CDH17: variants seen among roughly 807,000 people sequenced by gnomAD.
CDH17 encodes cadherin-17.
CDH17 carries 67 observed loss-of-function variants against 86.3 expected under a neutral mutation model. The observed-to-expected ratio is 0.78, with a 90% CI of 0.64 to 0.95. The LOEUF is 0.95. Ranked by LOEUF, CDH17 falls within the 40% of genes least tolerant of loss-of-function variation. The pLI is 0.00. For synonymous variants in CDH17, 367 were observed against 366.4 expected (o/e 1.00, Z -0.02); for missense variants, 993 against 1,017.6 (o/e 0.98, Z 0.33).
chr8:94,177,472 G>A lies in CDH17; in HGVS notation c.285+115C>T. On this transcript the variant is annotated intron_variant, in intron 4 of 17. Transcript: ENST00000027335. ...GAGGATTGCAAAGCGTCCCATTAAT[G>A]TAAGGAAAGCTGTAACTGGATTCTG... The A allele has an allele frequency of 3.7e-6, 4 of 1,076,978 alleles. No individual in the cohort carries two copies. The South Asian group carries it at 4.6e-5, about 12-fold the overall frequency. The allele number at this position is 1,076,978 out of a possible 1,614,324, so 66.7% of individuals were successfully genotyped here.
At position 94,174,244 on chromosome 8, in the gene CDH17, A is replaced by C; in HGVS notation, c.441T>G (p.Tyr147Ter). The change falls in exon 6 of 18, where the codon TAT becomes TAG. Residue 147 changes from tyrosine to a stop codon, truncating the protein, a stop_gained. Transcript: ENST00000027335. LOFTEE classifies it high-confidence loss of function. Reference sequence around the variant, plus strand: ...GATCATCCAGGTCTGTGGCATTGACATACAAGAAGGGCTTTCCTGTTTAAC... The same window carrying C: ...GATCATCCAGGTCTGTGGCATTGACCTACAAGAAGGGCTTTCCTGTTTAAC... ...QNSRPGKPFL[Y>*]VNATDLDDPA... The C allele has an allele frequency of 1.2e-6, 2 of 1,611,736 alleles. No individual in the cohort carries two copies. The highest frequency in any genetic ancestry group is 2.2e-5 in the South Asian group (2 of 90,672).
chr8:94,135,904 C>T (rs940785129), intron 15 of CDH17, among the ~76,000 whole-genome samples: 1 of 152,186 alleles, frequency 6.6e-6, no homozygotes, highest in African/African-American at 2.4e-5. Flanking sequence ...ATTTCTCCTT[C>T]ACTTATGAAG....
intron 3 of CDH17, among the ~76,000 whole-genome samples, chr8:94,188,788 A>C (rs1813629676): frequency 1.3e-5 from 2 of 152,192 alleles, no homozygotes. Flanking sequence ...CAGAAAGCTC[A>C]TTCTAGCACT....
At chr8:94,182,868 A>G (rs888659042) in intron 3 of CDH17, among the ~76,000 whole-genome samples, 2 of 152,270 alleles carry the variant, frequency 1.3e-5, no homozygotes, top group African/African-American at 4.8e-5. Context: ...GAAAATTCTA[A>G]GGAACCTAAA....
At chr8:94,194,753 A>C (rs1484834982) in intron 1 of CDH17, 48 bp from the exon 2 acceptor site, 1 of 969,472 alleles carries the variant, frequency 1.0e-6, no homozygotes, top group African/African-American at 1.6e-5. Flanking sequence ...GTCTGTTAAA[A>C]TCATGTCTTT....
upstream of CDH17, among the ~76,000 whole-genome samples, chr8:94,211,000 G>A (rs1014217557): frequency 5.9e-5 from 8 of 136,256 alleles, no homozygotes; most frequent in Middle Eastern, 4.7e-3. Context: ...CAGCCTAGCC[G>A]ACAGAGCAAG....
intron 14 of CDH17, among the ~76,000 whole-genome samples, chr8:94,148,141 GTT>G (rs1439571487): frequency 6.6e-6 from 1 of 152,236 alleles, no homozygotes; most frequent in African/African-American, 2.4e-5. Context: ...AAGGGAGGTA[GTT>G]CAGCCAGGGA....
intron 1 of CDH17, among the ~76,000 whole-genome samples, chr8:94,207,027 T>A (rs1040959191): frequency 8.5e-5 from 13 of 152,086 alleles, no homozygotes; most frequent in African/African-American, 3.1e-4. Context: ...TTTTCAGGGG[T>A]CATCTGGGTG....
chr8:94,213,951 C>T (rs544451455), intron 1 of CDH17, among the ~76,000 whole-genome samples: 2 of 152,270 alleles, frequency 1.3e-5, no homozygotes, highest in East Asian at 3.9e-4. Context: ...TGTCCTGTCA[C>T]TCACTCTGTG....
intron 7 of CDH17, among the ~76,000 whole-genome samples, chr8:94,171,446 A>G (rs919199838): frequency 6.6e-6 from 1 of 152,226 alleles, no homozygotes; most frequent in African/African-American, 2.4e-5. Context: ...AGTAAGACAA[A>G]TGATACAAAA....
chr8:94,213,756 A>G (rs1288126998), intron 1 of CDH17, among the ~76,000 whole-genome samples: 3 of 152,114 alleles, frequency 2.0e-5, no homozygotes, highest in Non-Finnish European at 2.9e-5. Flanking sequence ...AATCAGATGG[A>G]CGCTTTTCAG....
intron 12 of CDH17, among the ~76,000 whole-genome samples, chr8:94,155,069 A>C (rs2446870): frequency 3.3e-5 from 5 of 152,054 alleles, no homozygotes; most frequent in East Asian, 2.0e-4. Flanking sequence ...GGGGTTGAGA[A>C]AGAAGAATCA....
Position 94,163,051 on chromosome 8 carries a change from TAACAG to T in CDH17, c.1283-894_1283-890del, listed in dbSNP as rs1450372809. The stretch of plus-strand genomic sequence containing the variant: ...ACTCAATTTATCTGTAAACTGTGAA[TAACAG>T]AACAGATGTTTTCATCATAATACAG... On this transcript the variant is annotated intron_variant, in intron 10 of 17. Transcript: ENST00000027335. 5.3e-5 allele frequency among the ~76,000 whole-genome samples: 8 copies of T among 152,354 alleles called. No homozygotes were observed. The East Asian group carries it at 1.4e-3, about 26-fold the overall frequency.
At chr8:94,176,392 A>G in intron 5 of CDH17, 149 bp downstream of exon 5, 1 of 788,762 alleles carries the variant, frequency 1.3e-6, no homozygotes, top group Non-Finnish European at 2.1e-6. Context: ...GGAGCAATAG[A>G]GATAGTGAAA....
intron 3 of CDH17, among the ~76,000 whole-genome samples, chr8:94,180,378 C>A (rs958941373): frequency 6.6e-6 from 1 of 152,018 alleles, no homozygotes; most frequent in Non-Finnish European, 1.5e-5. Context: ...GACAGAATGA[C>A]CCAAAACTTC....
intron 1 of CDH17, among the ~76,000 whole-genome samples, chr8:94,215,342 C>T (rs899179482): frequency 2.0e-5 from 3 of 152,096 alleles, no homozygotes; most frequent in Non-Finnish European, 4.4e-5. Flanking sequence ...ACTGATACTA[C>T]AAGACTAAAC....
At chr8:94,139,247 T>C (rs1383707759) in intron 15 of CDH17, among the ~76,000 whole-genome samples, 1 of 151,992 alleles carries the variant, frequency 6.6e-6, no homozygotes. Context: ...CCATTGAATA[T>C]AGCAGGAAAA....
intron 1 of CDH17, among the ~76,000 whole-genome samples, chr8:94,215,300 TAATAG>T (rs1198531936): frequency 6.6e-6 from 1 of 152,202 alleles, no homozygotes; most frequent in Non-Finnish European, 1.5e-5. Flanking sequence ...TCTATCCATA[TAATAG>T]AATATTCATA....
intron 15 of CDH17, among the ~76,000 whole-genome samples, chr8:94,134,431 G>C (rs1353066991): frequency 6.6e-6 from 1 of 152,154 alleles, no homozygotes; most frequent in Admixed American, 6.5e-5. Flanking sequence ...AGATTTTCTA[G>C]TTTATTTGTG....
Sources: allele counts gnomAD v4.1 joint callset (sites outside exome capture counted in the v4.1 genomes callset), GRCh38; gene constraint gnomAD v4.1.1; transcripts MANE v1.5; gene names NCBI Gene and HGNC (gene_info 2026-07-23, HGNC 2026-07-21).